The following SLC35D4 variants were observed in gnomAD, a reference collection of about 807,000 sequenced individuals.
SLC35D4 encodes the protein UDP-N-acetylglucosamine transporter SLC35D4.
At chr18:23,386,473 C>T in the SLC35D4 span, among the ~76,000 whole-genome samples, 2 of 152,048 alleles carry the variant, frequency 1.3e-5, no homozygotes, top group Admixed American at 1.3e-4. Flanking sequence ...AGGACCGGGC[C>T]CAGCCCTGCC....
chr18:23,354,283 C>G, the SLC35D4 span, among the ~76,000 whole-genome samples: 409 of 142,192 alleles, frequency 2.9e-3, 2 homozygotes, highest in Admixed American at 5.1e-3. Flanking sequence ...GGGCGGATCA[C>G]GAGGTCAGGA....
the SLC35D4 span, among the ~76,000 whole-genome samples, chr18:23,276,718 C>T: frequency 6.6e-6 from 1 of 152,244 alleles, no homozygotes; most frequent in African/African-American, 2.4e-5. Context: ...CCAGTCCCTG[C>T]CCGCCTATCC....
the SLC35D4 span, among the ~76,000 whole-genome samples, chr18:23,394,527 G>C: frequency 6.6e-6 from 1 of 152,194 alleles, no homozygotes; most frequent in South Asian, 2.1e-4. Flanking sequence ...TTTGTTGATA[G>C]TATCCTTTAA....
the SLC35D4 span, among the ~76,000 whole-genome samples, chr18:23,332,444 A>AT: frequency 0.74 from 113,033 of 152,064 alleles, 42,600 homozygotes; most frequent in Middle Eastern, 0.86. Context: ...TAGCTTTGGT[A>AT]CTTCTAAAGC....
the SLC35D4 span, among the ~76,000 whole-genome samples, chr18:23,263,006 A>G: frequency 9.3e-3 from 1,412 of 152,320 alleles, 20 homozygotes; most frequent in African/African-American, 0.033. Flanking sequence ...CTCGATATTC[A>G]CCAAGCAGAT....
chr18:23,401,845 G>A, the SLC35D4 span, among the ~76,000 whole-genome samples: 1 of 152,306 alleles, frequency 6.6e-6, no homozygotes, highest in South Asian at 2.1e-4. Context: ...AAGAAAACAT[G>A]CCTAGGGAAC....
the SLC35D4 span, among the ~76,000 whole-genome samples, chr18:23,247,595 G>A: frequency 6.4e-4 from 97 of 152,364 alleles, no homozygotes; most frequent in Middle Eastern, 6.8e-3. Context: ...AGTGGATGCT[G>A]GAGAAGCCAG....
At chr18:23,341,082 T>C in the SLC35D4 span, among the ~76,000 whole-genome samples, 1 of 152,264 alleles carries the variant, frequency 6.6e-6, no homozygotes, top group Non-Finnish European at 1.5e-5. Context: ...TTGTTTACTT[T>C]GTTCTGCCTG....
the SLC35D4 span, among the ~76,000 whole-genome samples, chr18:23,316,205 C>T: frequency 4.6e-5 from 7 of 152,190 alleles, no homozygotes; most frequent in East Asian, 3.8e-4. Context: ...TCTCCAGGGA[C>T]GGGCGGACTC....
chr18:23,310,173 A>G, the SLC35D4 span: 12 of 980,360 alleles, frequency 1.2e-5, no homozygotes, highest in African/African-American at 2.1e-4. Context: ...ATAAAAACTT[A>G]TCTGTCACCC....
At chr18:23,368,331 C>T in the SLC35D4 span, among the ~76,000 whole-genome samples, 1 of 152,226 alleles carries the variant, frequency 6.6e-6, no homozygotes, top group Non-Finnish European at 1.5e-5. Flanking sequence ...TCTTTGGACA[C>T]CCCTTGGGCC....
the SLC35D4 span, among the ~76,000 whole-genome samples, chr18:23,334,849 T>C: frequency 1.3e-5 from 2 of 151,608 alleles, no homozygotes; most frequent in East Asian, 1.9e-4. Context: ...CTAAAAAAAA[T>C]ACAAAAATTA....
At chr18:23,311,223 G>C in the SLC35D4 span, among the ~76,000 whole-genome samples, 1 of 151,528 alleles carries the variant, frequency 6.6e-6, no homozygotes, top group Non-Finnish European at 1.5e-5. Flanking sequence ...CCGAGTAGCT[G>C]GGCCTATAGG....
the SLC35D4 span, among the ~76,000 whole-genome samples, chr18:23,271,834 A>G: frequency 6.6e-6 from 1 of 152,124 alleles, no homozygotes; most frequent in African/African-American, 2.4e-5. Flanking sequence ...ACCCAAAAGG[A>G]TTGGGTTCAG....
At chr18:23,425,749 G>A in the SLC35D4 span, among the ~76,000 whole-genome samples, 9 of 152,158 alleles carry the variant, frequency 5.9e-5, no homozygotes, top group Admixed American at 2.0e-4. Context: ...TCCAACCGTC[G>A]TTAAGTTGGG....
chr18:23,337,207 C>T, the SLC35D4 span, among the ~76,000 whole-genome samples: 1 of 152,172 alleles, frequency 6.6e-6, no homozygotes, highest in Non-Finnish European at 1.5e-5. Flanking sequence ...GGCGCGGTGG[C>T]TCACGCCTGT....
the SLC35D4 span, chr18:23,352,311 T>G: frequency 2.5e-6 from 4 of 1,591,242 alleles, no homozygotes; most frequent in Non-Finnish European, 2.6e-6. Context: ...AAAGATTCTC[T>G]TGTTAGTGAG....
At chr18:23,427,768 C>T in the SLC35D4 span, among the ~76,000 whole-genome samples, 2 of 152,146 alleles carry the variant, frequency 1.3e-5, no homozygotes, top group Non-Finnish European at 2.9e-5. Context: ...TGGAACCAAC[C>T]CAAATGTCCA....
chr18:23,297,558 G>GA, the SLC35D4 span: 12,147 of 135,406 alleles, frequency 0.09, 670 homozygotes, highest in Middle Eastern at 0.2. Flanking sequence ...TTTTAAAAAT[G>GA]AAAAAAAAAA....
Sources: allele counts gnomAD v4.1 joint callset (sites outside exome capture counted in the v4.1 genomes callset), GRCh38; gene constraint gnomAD v4.1.1; transcripts MANE v1.5; gene names NCBI Gene and HGNC (gene_info 2026-07-23, HGNC 2026-07-21).